CASD1: variants seen among roughly 807,000 people sequenced by gnomAD.
CASD1 encodes the protein CAS1 domain sialic acid O acetyltransferase 1.
CASD1 carries 41 observed loss-of-function variants against 100.0 expected under a neutral mutation model. The observed-to-expected ratio is 0.41, with a 90% CI of 0.32 to 0.53. The LOEUF is 0.53. Among genes scored for constraint, CASD1 ranks in the 20% least tolerant of loss-of-function variants. CASD1 has a pLI of 0.25. For synonymous variants in CASD1, 321 were observed against 315.6 expected (o/e 1.02, Z -0.18); for missense variants, 774 against 948.7 (o/e 0.82, Z 2.42).
the CASD1 span, among the ~76,000 whole-genome samples, chr7:94,564,429 T>C: frequency 6.6e-6 from 1 of 152,222 alleles, no homozygotes; most frequent in South Asian, 2.1e-4. Context: ...GATAAGAAAT[T>C]GTAATTTACC....
At chr7:94,535,193 A>G in intron 7 of CASD1, 116 bp from the exon 8 acceptor site, 3 of 716,654 alleles carry the variant, frequency 4.2e-6, no homozygotes, top group South Asian at 3.7e-5. Context: ...GGTACCTGGT[A>G]CCATCTATAC....
the CASD1 span, chr7:94,618,076 C>T: frequency 1.3e-5 from 2 of 152,204 alleles, no homozygotes; most frequent in Non-Finnish European, 2.9e-5. Flanking sequence ...TTTACCCAGG[C>T]AGGATTCTTT....
chr7:94,600,474 C>T, the CASD1 span: 1 of 593,670 alleles, frequency 1.7e-6, no homozygotes. Flanking sequence ...ATTTACTAGA[C>T]TCAAAACTAT....
intron 5 of CASD1, among the ~76,000 whole-genome samples, chr7:94,529,349 T>TG (rs1434452779): frequency 1.3e-5 from 2 of 152,314 alleles, no homozygotes; most frequent in East Asian, 3.9e-4. Context: ...TTTACTAACC[T>TG]GGAGATATAT....
the CASD1 span, chr7:94,624,575 CATTAAA>C: frequency 2.4e-3 from 498 of 206,914 alleles, 2 homozygotes; most frequent in African/African-American, 0.011. Flanking sequence ...TCACACCGGA[CATTAAA>C]ATTAAGACTA....
At chr7:94,565,679 C>T in the CASD1 span, among the ~76,000 whole-genome samples, 3 of 152,196 alleles carry the variant, frequency 2.0e-5, no homozygotes, top group African/African-American at 7.2e-5. Context: ...CCAAGGACTT[C>T]ATGATTCACA....
chr7:94,539,131 T>C (rs892907795), intron 10 of CASD1, 75 bp downstream of exon 10: 10 of 775,066 alleles, frequency 1.3e-5, no homozygotes, highest in African/African-American at 1.8e-5. Context: ...GGCACCAGCT[T>C]TTTTGTGTTT....
At chr7:94,519,075 A>G (rs181695680) in intron 3 of CASD1, among the ~76,000 whole-genome samples, 1 of 152,292 alleles carries the variant, frequency 6.6e-6, no homozygotes, top group East Asian at 1.9e-4. Context: ...ACTTTCTGGC[A>G]TTGGGTGATC....
chr7:94,534,319 A>AC (rs1795008723), intron 7 of CASD1, among the ~76,000 whole-genome samples: 1 of 151,936 alleles, frequency 6.6e-6, no homozygotes, highest in Non-Finnish European at 1.5e-5. Context: ...GGTGTGCACC[A>AC]CCACACCCAG....
the CASD1 span, chr7:94,626,749 C>G: frequency 6.6e-6 from 1 of 151,938 alleles, no homozygotes; most frequent in Admixed American, 6.6e-5. Context: ...CAGACAGAGT[C>G]ATTCTTGTTT....
the CASD1 span, chr7:94,588,084 A>C: frequency 8.1e-7 from 1 of 1,230,218 alleles, no homozygotes; most frequent in Admixed American, 4.1e-5. Flanking sequence ...TTATCTACTC[A>C]GTATAGAGAT....
the CASD1 span, chr7:94,623,223 G>T: frequency 3.0e-6 from 2 of 665,762 alleles, no homozygotes; most frequent in Non-Finnish European, 5.2e-6. Context: ...GTTATATTAG[G>T]TATGTGGCAT....
chr7:94,527,336 T>A (rs1029752476), intron 4 of CASD1, 130 bp downstream of exon 4: 7 of 649,288 alleles, frequency 1.1e-5, no homozygotes, highest in African/African-American at 1.8e-5. Context: ...GGAATAAAAG[T>A]TTGTGTGAGT....
chr7:94,571,298 C>G, the CASD1 span, among the ~76,000 whole-genome samples: 16 of 152,284 alleles, frequency 1.1e-4, no homozygotes, highest in Non-Finnish European at 2.2e-4. Flanking sequence ...CTGCTTCAGC[C>G]TCCCAAAGTA....
chr7:94,519,979 A>G (rs1369868631), intron 3 of CASD1, among the ~76,000 whole-genome samples: 1 of 152,218 alleles, frequency 6.6e-6, no homozygotes, highest in East Asian at 1.9e-4. Flanking sequence ...AATATGGTAC[A>G]TTGTTTCTGA....
chr7:94,519,141 A>G (rs1472151243), intron 3 of CASD1, among the ~76,000 whole-genome samples: 1 of 152,122 alleles, frequency 6.6e-6, no homozygotes, highest in Non-Finnish European at 1.5e-5. Flanking sequence ...TTTGTTAGGA[A>G]ATTTCTCGTT....
At chr7:94,527,784 G>A (rs545322999) in intron 4 of CASD1, among the ~76,000 whole-genome samples, 5 of 152,132 alleles carry the variant, frequency 3.3e-5, no homozygotes, top group African/African-American at 1.2e-4. Context: ...TCCAAGAGCC[G>A]ACTGAGGACC....
intron 5 of CASD1, among the ~76,000 whole-genome samples, chr7:94,529,790 C>T (rs1794757871): frequency 6.6e-6 from 1 of 152,002 alleles, no homozygotes. Context: ...ATGAAAGTAC[C>T]ATGGATAGAC....
chr7:94,552,180 A>C, intron 15 of CASD1, 170 bp from the exon 16 acceptor site: 1 of 575,282 alleles, frequency 1.7e-6, no homozygotes, highest in Non-Finnish European at 3.0e-6. Flanking sequence ...ACAGTTGAAC[A>C]TACCAAAACA....
Sources: allele counts gnomAD v4.1 joint callset (sites outside exome capture counted in the v4.1 genomes callset), GRCh38; gene constraint gnomAD v4.1.1; transcripts MANE v1.5; gene names NCBI Gene and HGNC (gene_info 2026-07-23, HGNC 2026-07-21).